TENT5B: variants seen among roughly 807,000 people sequenced by gnomAD.
TENT5B encodes the protein family with sequence similarity 46 member B.
A neutral mutation model predicts 21.7 loss-of-function variants in TENT5B; 12 were observed. The ratio of observed to expected loss-of-function variants is 0.55; its 90% CI spans 0.36 to 0.90. TENT5B has a LOEUF of 0.90. Among genes scored for constraint, TENT5B ranks in the 40% least tolerant of loss-of-function variants. TENT5B has a pLI of 0.01. For missense variants in TENT5B, 540 were observed against 601.5 expected, an observed-to-expected ratio of 0.90 and a Z score of 1.07; for synonymous variants, 262 against 266.6, an observed-to-expected ratio of 0.98 and a Z score of 0.17.
chr1:27,007,637 A>G (rs1342644445), intron 1 of TENT5B, among the ~76,000 whole-genome samples: 1 of 151,646 alleles, frequency 6.6e-6, no homozygotes, highest in Non-Finnish European at 1.5e-5. Flanking sequence ...TGATCCACAC[A>G]CCTCCCAAAG....
rs2082602379 is a variant in TENT5B at position 27,006,832 on chromosome 1, G to C, written c.390C>G (p.Phe130Leu). ...GLGYKDLDLV[F>L]RVDLRSEASF... ...ATGCCTCACTGCGCAGGTCCACCCG[G>C]AACACCAGGTCCAGATCCTTGTAGC... is the stretch of plus-strand genomic sequence containing the variant. The change falls in exon 2 of 2, where the codon TTC (phenylalanine) becomes TTG (leucine). Residue 130 changes from phenylalanine (F) to leucine (L), a missense_variant. Transcript: ENST00000289166. This position sits in a 1 kb window ranked among gnomAD's most constrained non-coding sequence, Gnocchi z 9.4. 4 of 1,614,040 alleles carry C rather than the reference G, an allele frequency of 2.5e-6. No individual in the cohort carries two copies. The East Asian group carries it at 8.9e-5, about 36-fold the overall frequency.
At position 27,005,248 on chromosome 1, in the gene TENT5B, G is replaced by A. The variant is rs1450776837; in HGVS notation, c.*696C>T. The A allele has an allele frequency of 1.3e-5, 2 of 152,650 alleles. No individual in the cohort carries two copies. The highest frequency in any genetic ancestry group is 4.8e-5 in the African/African-American group (2 of 41,430). The allele number at this position is 152,650 out of a possible 1,614,324, so 9.5% of individuals were successfully genotyped here. On this transcript the variant is annotated 3_prime_UTR_variant, in exon 2 of 2. Transcript: ENST00000289166. ...TCCTTGCAACACAAGGGGGAAAGGA[G>A]TGGCACCCTGGAAGGGGCCTGGGCT...
chr1:27,012,777 G>A lies in TENT5B; in HGVS notation c.-107C>T, dbSNP rs894931395. The A allele has an allele frequency of 9.2e-6, 12 of 1,308,334 alleles. No individual in the cohort carries two copies. Among genetic ancestry groups the A allele is most frequent in the East Asian group, 9.0e-5 (3 of 33,150 alleles). The allele number at this position is 1,308,334 out of a possible 1,614,324, so 81.0% of individuals were successfully genotyped here. A position where few individuals can be genotyped will look rare whatever the true frequency, so the allele number is the denominator to read the frequency against. The stretch of plus-strand genomic sequence containing the variant: ...CCAAGGCGGGGGGCACGAAGGCAGG[G>A]ACGGGGCGGCAACGACGGCGAGACA... On this transcript the variant is annotated 5_prime_UTR_variant, in exon 1 of 2. Coordinates refer to ENST00000289166, the MANE Select transcript of TENT5B (RefSeq NM_052943.4).
At chr1:27,008,236 T>C (rs2082609609) in intron 1 of TENT5B, among the ~76,000 whole-genome samples, 1 of 152,150 alleles carries the variant, frequency 6.6e-6, no homozygotes, top group Non-Finnish European at 1.5e-5. Context: ...GTCCTGAAAG[T>C]GACCAGGCAG....
chr1:27,007,082 A>G, intron 1 of TENT5B, 125 bp from the exon 2 acceptor site: 1 of 265,784 alleles, frequency 3.8e-6, no homozygotes, highest in Non-Finnish European at 5.6e-6. Context: ...ATGCCTTTGG[A>G]AAATCATTTA....
chr1:27,006,691 C>T lies in TENT5B; in HGVS notation c.531G>A (p.Leu177=). The change falls in exon 2 of 2, where the codon CTG becomes CTA. Residue 177 remains leucine (L), a synonymous_variant. Coordinates refer to ENST00000289166, the MANE Select transcript of TENT5B (RefSeq NM_052943.4). This position sits in a 1 kb window ranked among gnomAD's most constrained non-coding sequence, Gnocchi z 9.4. ...GGTCCGAGTCTGTGCACACTTTCAC[C>T]AGCTTCTGCACGTATGCCTCCTTGA... ...LTLKEAYVQK[L]VKVCTDSDRW... 1 of 1,614,144 alleles carries T rather than the reference C, an allele frequency of 6.2e-7. No homozygotes were observed. Among genetic ancestry groups the T allele is most frequent in the Non-Finnish European group, 8.5e-7 (1 of 1,180,034 alleles).
chr1:27,007,535 G>A (rs2082606595), intron 1 of TENT5B, among the ~76,000 whole-genome samples: 1 of 151,082 alleles, frequency 6.6e-6, no homozygotes, highest in Non-Finnish European at 1.5e-5. Flanking sequence ...GGGATTACAG[G>A]GGCCTGCCAC....
At chr1:27,008,745 G>T (rs2082611587) in intron 1 of TENT5B, among the ~76,000 whole-genome samples, 1 of 151,776 alleles carries the variant, frequency 6.6e-6, no homozygotes, top group South Asian at 2.1e-4. Context: ...GGGATTACAG[G>T]CGCCCATCAC....
chr1:27,012,498 T>G lies in TENT5B; in HGVS notation c.173A>C (p.Lys58Thr). 6.2e-7 allele frequency: 1 copy of G among 1,609,160 alleles called. No homozygotes were observed. ...CTCGCTCAGAAGAGCGTCCAGTCGC[T>G]TCACCTGTGGCCAGCTCAGCCCACT... ...HLSGLSWPQV[K>T]RLDALLSEPI... The change falls in exon 1 of 2, where the codon AAG becomes ACG. Residue 58 changes from lysine to threonine, a missense_variant. Transcript: ENST00000289166.
chr1:27,010,032 A>C (rs2082616936), intron 1 of TENT5B, among the ~76,000 whole-genome samples: 1 of 152,236 alleles, frequency 6.6e-6, no homozygotes, highest in African/African-American at 2.4e-5. Context: ...GCTGCTGCTG[A>C]GACCTGCAGG....
chr1:27,010,830 G>A (rs2082620716), intron 1 of TENT5B, among the ~76,000 whole-genome samples: 2 of 152,198 alleles, frequency 1.3e-5, no homozygotes, highest in Non-Finnish European at 2.9e-5. Flanking sequence ...TCCCCCATCT[G>A]GCTAGGAGCA....
Position 27,006,481 on chromosome 1 carries a change from G to A in TENT5B, c.741C>T (p.Gly247=), listed in dbSNP as rs1487767279. 3.1e-6 allele frequency: 5 copies of A among 1,613,950 alleles called. No individual in the cohort carries two copies. The highest frequency in any genetic ancestry group is 2.7e-5 in the African/African-American group (2 of 74,942). The part of the protein sequence containing the change: ...MSEAFHPTVT[G]ESLYGDFTEA... Reference sequence around the variant, plus strand: ...CGGTGAAGTCCCCGTACAGGCTTTCGCCTGTGACCGTTGGGTGGAAGGCCT... The same window carrying A: ...CGGTGAAGTCCCCGTACAGGCTTTCACCTGTGACCGTTGGGTGGAAGGCCT... Residue 247 remains glycine, a synonymous_variant, in exon 2 of 2, where the codon GGC becomes GGT. Transcript: ENST00000289166. The surrounding 1 kb of genome is among the most constrained non-coding windows in gnomAD (Gnocchi z 9.4).
At chr1:27,010,463 C>T (rs540159439) in intron 1 of TENT5B, among the ~76,000 whole-genome samples, 1 of 152,046 alleles carries the variant, frequency 6.6e-6, no homozygotes, top group South Asian at 2.1e-4. Context: ...GCTTTAGAAG[C>T]TGCCAGCTGT....
At position 27,005,733 on chromosome 1, in the gene TENT5B, A is replaced by G; in HGVS notation, c.*211T>C. 1.8e-6 allele frequency: 1 copy of G among 570,608 alleles called. No individual in the cohort carries two copies. Among genetic ancestry groups the G allele is most frequent in the East Asian group, 3.1e-5 (1 of 32,014 alleles). The allele number at this position is 570,608 out of a possible 1,614,324, so 35.3% of individuals were successfully genotyped here. ...GGTCCAAAAGTGTGATGCAATAACC[A>G]AAGGGTCCTCCTGCTGAGAGCCCCA... is the stretch of plus-strand genomic sequence containing the variant. On this transcript the variant is annotated 3_prime_UTR_variant, in exon 2 of 2. Coordinates refer to ENST00000289166, the MANE Select transcript of TENT5B (RefSeq NM_052943.4).
rs1436322077 is a variant in TENT5B at position 27,012,467 on chromosome 1, A to T, written c.204T>A (p.Ile68=). The T allele has an allele frequency of 3.7e-6, 6 of 1,611,842 alleles. No homozygotes were observed. In the South Asian group the frequency reaches 5.5e-5, roughly 15 times the overall value. ...GGAAGTTGCCGCGCCCGTGAATGGG[A>T]ATCGGCTCGCTCAGAAGAGCGTCCA... ...KRLDALLSEP[I]PIHGRGNFPT... The change falls in exon 1 of 2, where the codon ATT becomes ATA. Residue 68 remains isoleucine, a synonymous_variant. Transcript: ENST00000289166.
chr1:27,008,952 C>CT (rs1244427432), intron 1 of TENT5B, among the ~76,000 whole-genome samples: 1 of 116,152 alleles, frequency 8.6e-6, no homozygotes, highest in Admixed American at 9.0e-5. Context: ...CCAAACCCTT[C>CT]TCTACCTTCC....
At chr1:27,009,188 C>T (rs369923150) in intron 1 of TENT5B, among the ~76,000 whole-genome samples, 1 of 151,290 alleles carries the variant, frequency 6.6e-6, no homozygotes, top group African/African-American at 2.4e-5. Context: ...AGGCTGGTCT[C>T]GAACTCCCGG....
At chr1:27,012,290 T>C in intron 1 of TENT5B, 117 bp downstream of exon 1, 1 of 1,457,722 alleles carries the variant, frequency 6.9e-7, no homozygotes, top group Non-Finnish European at 9.3e-7. Flanking sequence ...GTTACAGCCA[T>C]GTCCCCGTTC....
chr1:27,008,822 G>T (rs1385177535), intron 1 of TENT5B, among the ~76,000 whole-genome samples: 1 of 151,634 alleles, frequency 6.6e-6, no homozygotes, highest in Non-Finnish European at 1.5e-5. Context: ...AGCTGGTCTT[G>T]AACTCCTGAC....
Sources: allele counts gnomAD v4.1 joint callset (sites outside exome capture counted in the v4.1 genomes callset), GRCh38; gene constraint gnomAD v4.1.1; non-coding constraint Gnocchi (gnomAD v3.1); transcripts MANE v1.5; gene names NCBI Gene and HGNC (gene_info 2026-07-23, HGNC 2026-07-21).